The following CREM variants were observed in gnomAD, a reference collection of about 807,000 sequenced individuals.
The protein encoded by CREM is cAMP-responsive element modulator.
CREM carries 13 observed loss-of-function variants against 37.3 expected under a neutral mutation model. The observed-to-expected ratio is 0.35, with a 90% CI of 0.23 to 0.55. The LOEUF (loss-of-function observed/expected upper bound fraction) is 0.55, where lower values mean the gene tolerates loss of function less well. Among genes scored for constraint, CREM ranks in the 20% least tolerant of loss-of-function variants. The pLI, the probability that CREM is intolerant of heterozygous loss-of-function variation, is 0.88. For missense variants in CREM, 296 were observed against 362.3 expected, an observed-to-expected ratio of 0.82 and a Z score of 1.49; for synonymous variants, 124 against 120.2, an observed-to-expected ratio of 1.03 and a Z score of -0.21.
At chr10:35,143,857 C>G (rs571875891) in intron 2 of CREM, among the ~76,000 whole-genome samples, 104 of 152,214 alleles carry the variant, frequency 6.8e-4, no homozygotes, top group African/African-American at 2.5e-3. Context: ...GAGCAGTACT[C>G]TCTTGAGAGG....
At chr10:35,133,064 ATTCTT>A (rs2089738203) in intron 1 of CREM, among the ~76,000 whole-genome samples, 1 of 152,070 alleles carries the variant, frequency 6.6e-6, no homozygotes, top group Non-Finnish European at 1.5e-5. Flanking sequence ...TTTGTTCCAC[ATTCTT>A]TTCTTTTTCT....
intron 2 of CREM, among the ~76,000 whole-genome samples, chr10:35,147,590 A>G (rs1326487321): frequency 6.6e-6 from 1 of 152,184 alleles, no homozygotes; most frequent in East Asian, 1.9e-4. Context: ...AGCAAGACAC[A>G]TTTTTGTATT....
chr10:35,192,362 G>C (rs1424124175), intron 6 of CREM, among the ~76,000 whole-genome samples: 2 of 152,032 alleles, frequency 1.3e-5, no homozygotes, highest in Non-Finnish European at 2.9e-5. Flanking sequence ...GTTTTGTTTT[G>C]TTTTGAGACA....
intron 6 of CREM, among the ~76,000 whole-genome samples, chr10:35,189,689 G>T (rs1487832540): frequency 6.6e-6 from 1 of 152,028 alleles, no homozygotes; most frequent in African/African-American, 2.4e-5. Flanking sequence ...CTAATTTATT[G>T]TATTTTAGTA....
intron 6 of CREM, among the ~76,000 whole-genome samples, chr10:35,189,608 C>G (rs1341511768): frequency 2.0e-5 from 3 of 152,026 alleles, no homozygotes; most frequent in Non-Finnish European, 4.4e-5. Context: ...CTCCGCCTCC[C>G]AGGTTCAAGC....
At chr10:35,148,256 C>G in intron 2 of CREM, 112 bp from the exon 3 acceptor site, 1 of 1,095,248 alleles carries the variant, frequency 9.1e-7, no homozygotes, top group Non-Finnish European at 1.3e-6. Context: ...CAGAAAGTTT[C>G]AGATTTTGGA....
intron 6 of CREM, among the ~76,000 whole-genome samples, chr10:35,199,664 A>T (rs181896421): frequency 2.0e-5 from 3 of 152,270 alleles, no homozygotes; most frequent in Admixed American, 2.0e-4. Flanking sequence ...CACCCAGGTC[A>T]GACTGGGTAA....
chr10:35,135,748 GAC>G (rs2090396735), intron 1 of CREM, among the ~76,000 whole-genome samples: 1 of 106,066 alleles, frequency 9.4e-6, no homozygotes, highest in African/African-American at 3.2e-5. Context: ...AAAAAAGAGA[GAC>G]ATTAAAAAAA....
At chr10:35,153,308 TC>T (rs2092706204) in intron 3 of CREM, among the ~76,000 whole-genome samples, 1 of 152,242 alleles carries the variant, frequency 6.6e-6, no homozygotes, top group Admixed American at 6.5e-5. Flanking sequence ...CTTCTTTTTT[TC>T]TTCTTGTCGC....
In CREM at chr10:35,181,344, A is replaced by G. The variant is rs933713129; in HGVS notation, c.409+2068A>G. On this transcript the variant is annotated intron_variant, in intron 5 of 7. Transcript: ENST00000685392. Reference sequence around the variant, plus strand: ...GGAGATAATGGGTAAAAGTAGGGGGAAAAAGACATGCTACTATTGGCATGA... The same window carrying G: ...GGAGATAATGGGTAAAAGTAGGGGGGAAAAGACATGCTACTATTGGCATGA... Among the ~76,000 whole-genome samples, 6 of 152,292 alleles carry G rather than the reference A, an allele frequency of 3.9e-5. No individual in the cohort carries two copies. In the East Asian group the frequency reaches 9.7e-4, roughly 25 times the overall value.
rs2095669265 is a variant in CREM, at chr10:35,211,828, C to T, written c.*430C>T. ...GAAATATTTAACTATGAACTGAAGG[C>T]AGCATGTATAGTTGCTTTTGAAGGA... On this transcript the variant is annotated 3_prime_UTR_variant, in exon 8 of 8. Coordinates refer to ENST00000685392, the MANE Select transcript of CREM (RefSeq NM_183011.2). 3 of 1,580,742 alleles carry T rather than the reference C, an allele frequency of 1.9e-6. No homozygotes were observed. Among genetic ancestry groups the T allele is most frequent in the Middle Eastern group, 1.8e-4 (1 of 5,696 alleles).
intron 6 of CREM, chr10:35,201,572 A>G: frequency 1.3e-6 from 2 of 1,501,748 alleles, no homozygotes; most frequent in South Asian, 2.5e-5. Context: ...AAAGAGAGAT[A>G]TGTAGTTAAT....
chr10:35,201,387 C>G, intron 6 of CREM: 1 of 1,540,430 alleles, frequency 6.5e-7, no homozygotes, highest in Non-Finnish European at 8.8e-7. Flanking sequence ...GTGCTAGACA[C>G]TTTGACATAC....
At chr10:35,161,716 A>G (rs1176249262) in intron 3 of CREM, among the ~76,000 whole-genome samples, 1 of 152,150 alleles carries the variant, frequency 6.6e-6, no homozygotes, top group Admixed American at 6.5e-5. Flanking sequence ...AATCAAAACT[A>G]CAATGAGATA....
intron 3 of CREM, 42 bp from the exon 4 acceptor site, chr10:35,178,847 G>A (rs2094219602): frequency 1.5e-5 from 23 of 1,508,838 alleles, no homozygotes; most frequent in Non-Finnish European, 2.1e-5. Context: ...AGGGAAAAGA[G>A]CATATATTTT....
chr10:35,145,021 T>C (rs955489348), intron 2 of CREM, among the ~76,000 whole-genome samples: 27 of 151,456 alleles, frequency 1.8e-4, no homozygotes, highest in African/African-American at 6.6e-4. Flanking sequence ...ATTAGCCGGG[T>C]GTGGTGGCGC....
chr10:35,161,640 G>T (rs1203370318), intron 3 of CREM, among the ~76,000 whole-genome samples: 1 of 150,722 alleles, frequency 6.6e-6, no homozygotes, highest in African/African-American at 2.4e-5. Context: ...TCCAGCCTGG[G>T]CAACAGAGTG....
rs1224439745 is a variant in CREM at position 35,137,822 on chromosome 10, C to A, written c.-14C>A. On this transcript the variant is annotated 5_prime_UTR_variant, in exon 2 of 8. Coordinates refer to ENST00000685392, the MANE Select transcript of CREM (RefSeq NM_183011.2). The stretch of plus-strand genomic sequence containing the variant: ...CAGGAAAGGAGGAAAGCATTGATTA[C>A]AAATATCTTAACAATGAGCAAATGT... 2.6e-6 allele frequency: 4 copies of A among 1,550,754 alleles called. No homozygotes were observed. Among genetic ancestry groups the A allele is most frequent in the South Asian group, 2.4e-5 (2 of 83,258 alleles).
chr10:35,185,767 T>G (rs1413677144), intron 5 of CREM, among the ~76,000 whole-genome samples: 2 of 152,202 alleles, frequency 1.3e-5, no homozygotes, highest in Non-Finnish European at 2.9e-5. Flanking sequence ...TGTCTCAACC[T>G]CAGTTCTATT....
Sources: gnomAD v4.1 joint callset for allele counts (sites outside exome capture counted in the v4.1 genomes callset) on GRCh38, gnomAD v4.1.1 for gene constraint, MANE v1.5 for transcripts, NCBI Gene and HGNC (gene_info 2026-07-23, HGNC 2026-07-21) for gene names.